The following ZC3H12B variants were observed in gnomAD, a reference collection of about 807,000 sequenced individuals.
ZC3H12B encodes the protein probable ribonuclease ZC3H12B.
ZC3H12B carries 7 observed loss-of-function variants against 43.9 expected under a neutral mutation model. The observed-to-expected ratio is 0.16, with a 90% CI of 0.09 to 0.30. The LOEUF (loss-of-function observed/expected upper bound fraction) is 0.30, where lower values mean the gene tolerates loss of function less well. Among genes scored for constraint, ZC3H12B ranks in the 10% least tolerant of loss-of-function variants. ZC3H12B has a pLI of 1.00. For missense variants in ZC3H12B, 475 were observed against 670.2 expected (o/e 0.71, Z 3.22); for synonymous variants, 222 against 241.7 (o/e 0.92, Z 0.76).
At chrX:65,052,167 A>G in the ZC3H12B span, among the ~76,000 whole-genome samples, 1 of 110,995 alleles carries the variant, frequency 9.0e-6, no homozygotes, top group Non-Finnish European at 1.9e-5. Context: ...TCTTTTTCTA[A>G]TTATTATTTT....
intron 3 of ZC3H12B, chrX:65,469,435 G>A: frequency 2.2e-6 from 1 of 459,816 alleles, no homozygotes; most frequent in South Asian, 3.2e-5. Flanking sequence ...CCAGAGCTGC[G>A]GCTGGGCCTC....
At chrX:65,368,051 A>ATTTT (rs2066196364) in intron 1 of ZC3H12B, among the ~76,000 whole-genome samples, 1 of 112,374 alleles carries the variant, frequency 8.9e-6, no homozygotes, top group Admixed American at 9.5e-5. Flanking sequence ...GATAGAAAAC[A>ATTTT]TTTTTTGAAC....
chrX:65,286,213 C>T, the ZC3H12B span, among the ~76,000 whole-genome samples: 2 of 111,932 alleles, frequency 1.8e-5, no homozygotes, highest in Non-Finnish European at 3.8e-5. Flanking sequence ...ACAAATAAAC[C>T]ATGGAATACT....
At chrX:65,232,218 G>A in the ZC3H12B span, among the ~76,000 whole-genome samples, 2 of 111,174 alleles carry the variant, frequency 1.8e-5, no homozygotes, top group African/African-American at 6.5e-5. Flanking sequence ...TCCAGCCTGG[G>A]TGACAGAGTA....
At chrX:65,159,516 C>A in the ZC3H12B span, among the ~76,000 whole-genome samples, 1 of 110,876 alleles carries the variant, frequency 9.0e-6, no homozygotes, top group Admixed American at 9.7e-5. Flanking sequence ...GTATTTTATT[C>A]TCTTTGAAGC....
intron 2 of ZC3H12B, among the ~76,000 whole-genome samples, chrX:65,372,323 C>T (rs772528797): frequency 1.8e-5 from 2 of 111,412 alleles, no homozygotes; most frequent in South Asian, 7.4e-4. Flanking sequence ...CTTCCAAGTC[C>T]AAGTAAATGT....
At chrX:65,101,377 CAATA>C in the ZC3H12B span, among the ~76,000 whole-genome samples, 19 of 110,406 alleles carry the variant, frequency 1.7e-4, no homozygotes, top group Non-Finnish European at 2.8e-4. Context: ...TAGCAGAAGA[CAATA>C]AATAAGATCA....
intron 3 of ZC3H12B, among the ~76,000 whole-genome samples, chrX:65,399,238 A>C (rs193269702): frequency 1.8e-5 from 2 of 112,634 alleles, no homozygotes; most frequent in Non-Finnish European, 3.7e-5. Context: ...AAATGCACAG[A>C]CAACCTACAG....
chrX:65,259,721 G>A, the ZC3H12B span, among the ~76,000 whole-genome samples: 2 of 111,861 alleles, frequency 1.8e-5, no homozygotes, highest in South Asian at 3.7e-4. Context: ...CCACTAGCAG[G>A]TATCTACCCA....
At chrX:65,462,419 C>T (rs113596715) in intron 3 of ZC3H12B, among the ~76,000 whole-genome samples, 4 of 110,743 alleles carry the variant, frequency 3.6e-5, no homozygotes, top group African/African-American at 6.6e-5. Flanking sequence ...GGCTGAGGCA[C>T]GAGAATTGCT....
the ZC3H12B span, among the ~76,000 whole-genome samples, chrX:65,303,875 T>C: frequency 2.7e-5 from 3 of 112,553 alleles, no homozygotes; most frequent in African/African-American, 9.7e-5. Flanking sequence ...GAAACATTGC[T>C]GACAGTAAGT....
At chrX:65,396,305 T>C (rs989098490) in intron 2 of ZC3H12B, among the ~76,000 whole-genome samples, 5 of 112,381 alleles carry the variant, frequency 4.4e-5, no homozygotes, top group African/African-American at 1.6e-4. Flanking sequence ...TTCGGCTTTC[T>C]GATGTGGGCA....
chrX:65,217,751 A>G, the ZC3H12B span, among the ~76,000 whole-genome samples: 1 of 112,248 alleles, frequency 8.9e-6, no homozygotes, highest in Admixed American at 9.5e-5. Context: ...ATGAAAATGC[A>G]CAGAAAGAAA....
the ZC3H12B span, among the ~76,000 whole-genome samples, chrX:65,224,931 C>G: frequency 2.7e-5 from 3 of 112,199 alleles, no homozygotes; most frequent in South Asian, 1.1e-3. Flanking sequence ...TCTGTAGGCT[C>G]CAACTCTGGG....
At chrX:65,048,966 C>A in the ZC3H12B span, among the ~76,000 whole-genome samples, 133 of 111,490 alleles carry the variant, frequency 1.2e-3, 2 homozygotes, top group East Asian at 0.03. Context: ...TAGCCATTTG[C>A]ATGTCTTCTT....
intron 2 of ZC3H12B, among the ~76,000 whole-genome samples, chrX:65,379,161 GACAA>G (rs1189292307): frequency 8.9e-6 from 1 of 112,160 alleles, no homozygotes; most frequent in African/African-American, 3.2e-5. Context: ...GGAGGGCACA[GACAA>G]ACAAAAAGAC....
At chrX:65,357,729 T>A in the ZC3H12B span, among the ~76,000 whole-genome samples, 1 of 111,714 alleles carries the variant, frequency 9.0e-6, no homozygotes, top group Non-Finnish European at 1.9e-5. Flanking sequence ...TACCAGTCAC[T>A]GCAAAAACAC....
chrX:65,041,396 A>G, the ZC3H12B span, among the ~76,000 whole-genome samples: 2 of 112,061 alleles, frequency 1.8e-5, no homozygotes, highest in Non-Finnish European at 3.8e-5. Context: ...GGGTATCTGC[A>G]TATGATACTG....
chrX:65,389,553 G>A (rs368066172), intron 2 of ZC3H12B, among the ~76,000 whole-genome samples: 45 of 112,519 alleles, frequency 4.0e-4, no homozygotes, highest in East Asian at 2.8e-3. Context: ...CTTTGACTAG[G>A]AAAGGGAATT....
Sources: allele counts gnomAD v4.1 joint callset (sites outside exome capture counted in the v4.1 genomes callset), GRCh38; gene constraint gnomAD v4.1.1; transcripts MANE v1.5; gene names NCBI Gene and HGNC (gene_info 2026-07-23, HGNC 2026-07-21).